FAM20C: variants seen among roughly 807,000 people sequenced by gnomAD.
The protein encoded by FAM20C is FAM20C golgi associated secretory pathway kinase, also known as extracellular serine/threonine protein kinase FAM20C.
Under a neutral mutation model 51.5 loss-of-function variants are expected in FAM20C, and 40 were observed. The observed-to-expected ratio is 0.78, with a 90% CI of 0.60 to 1.01. The LOEUF (loss-of-function observed/expected upper bound fraction) is 1.01. Among genes scored for constraint, FAM20C ranks in the 50% least tolerant of loss-of-function variants. The probability of loss-of-function intolerance (pLI) is 0.00; values close to 1 mark genes in which losing one functional copy is unlikely to be tolerated. For missense variants in FAM20C, 861 were observed against 844.7 expected (o/e 1.02, Z -0.24); for synonymous variants, 406 against 380.6 (o/e 1.07, Z -0.78).
intron 3 of FAM20C, among the ~76,000 whole-genome samples, chr7:233,965 A>G (rs1447977890): frequency 2.6e-5 from 4 of 152,160 alleles, no homozygotes; most frequent in African/African-American, 9.7e-5. Context: ...GGAGAGAAGG[A>G]TGCACGGTGT....
chr7:218,333 G>A (rs1317243290), intron 3 of FAM20C, among the ~76,000 whole-genome samples: 3 of 152,232 alleles, frequency 2.0e-5, no homozygotes, highest in African/African-American at 4.8e-5. Flanking sequence ...CGGTGCTCCC[G>A]TCCTGGAGGG....
Position 219,065 on chromosome 7 carries a change from C to T in FAM20C, c.863+10089C>T, listed in dbSNP as rs555554665. Among the ~76,000 whole-genome samples, 284 of 152,324 alleles carry T rather than the reference C, an allele frequency of 1.9e-3. 1 individual carries two copies. The highest frequency in any genetic ancestry group is 6.4e-3 in the African/African-American group (267 of 41,566). On this transcript the variant is annotated intron_variant, in intron 3 of 9. Coordinates refer to ENST00000313766, the MANE Select transcript of FAM20C (RefSeq NM_020223.4). Reference sequence around the variant, plus strand: ...GGGTTCCCCAGTGCTCCCCACCGCACAGAGGCTGGCCCCTCCTGGGGTCGT... The same window carrying T: ...GGGTTCCCCAGTGCTCCCCACCGCATAGAGGCTGGCCCCTCCTGGGGTCGT...
At chr7:195,470 A>G (rs1785813204) in intron 1 of FAM20C, 84 bp from the exon 2 acceptor site, 49 of 1,285,340 alleles carry the variant, frequency 3.8e-5, no homozygotes, top group Non-Finnish European at 4.7e-5. Context: ...AGTTAAAAAC[A>G]CTGGCGTCGG....
chr7:217,518 C>T (rs115557487), intron 3 of FAM20C, among the ~76,000 whole-genome samples: 1,350 of 55,948 alleles, frequency 0.024, 21 homozygotes, highest in African/African-American at 0.08. Flanking sequence ...AGATGGTGGC[C>T]TCGGGCTTGG....
Position 260,693 on chromosome 7 carries a change from T to C in FAM20C, c.*713T>C, listed in dbSNP as rs1468475815. Reference sequence around the variant, plus strand: ...GCTGTGGGCTGACCTTTGCAGAGTTTTGTGGAATAGTTTGCAATGTCATAA... The same window carrying C: ...GCTGTGGGCTGACCTTTGCAGAGTTCTGTGGAATAGTTTGCAATGTCATAA... On this transcript the variant is annotated 3_prime_UTR_variant, in exon 10 of 10. Coordinates refer to ENST00000313766, the MANE Select transcript of FAM20C (RefSeq NM_020223.4). 1 of 152,270 alleles carries C rather than the reference T, an allele frequency of 6.6e-6. No homozygotes were observed. Among genetic ancestry groups the C allele is most frequent in the African/African-American group, 2.4e-5 (1 of 41,460 alleles). The allele number at this position is 152,270 out of a possible 1,614,324, so 9.4% of individuals were successfully genotyped here.
At chr7:252,534 C>T (rs972734912) in intron 5 of FAM20C, among the ~76,000 whole-genome samples, 1 of 152,128 alleles carries the variant, frequency 6.6e-6, no homozygotes, top group Non-Finnish European at 1.5e-5. Flanking sequence ...GAGCCCAGAG[C>T]ACATTGGAGG....
chr7:214,780 G>A (rs560704939), intron 3 of FAM20C, among the ~76,000 whole-genome samples: 22 of 152,318 alleles, frequency 1.4e-4, no homozygotes, highest in Admixed American at 7.8e-4. Flanking sequence ...GTTTGAGTCC[G>A]GTGGACGCAC....
intron 2 of FAM20C, among the ~76,000 whole-genome samples, chr7:206,880 G>A (rs1262683204): frequency 1.9e-5 from 1 of 52,052 alleles, no homozygotes; most frequent in African/African-American, 1.1e-4. Context: ...CCTCGGCCCC[G>A]CACACGTGTC....
chr7:230,233 G>T (rs1787605519), intron 3 of FAM20C, among the ~76,000 whole-genome samples: 1 of 152,126 alleles, frequency 6.6e-6, no homozygotes, highest in African/African-American at 2.4e-5. Flanking sequence ...GGAAGGGGAT[G>T]CAGGGCTGCA....
intron 3 of FAM20C, among the ~76,000 whole-genome samples, chr7:231,233 G>A (rs1440187074): frequency 6.6e-6 from 1 of 152,158 alleles, no homozygotes; most frequent in African/African-American, 2.4e-5. Context: ...GGGGCAGCGA[G>A]GACCCCTGGA....
intron 2 of FAM20C, among the ~76,000 whole-genome samples, chr7:198,258 A>C (rs1201915212): frequency 6.6e-6 from 1 of 152,232 alleles, no homozygotes; most frequent in Non-Finnish European, 1.5e-5. Context: ...GCTCTGGCCC[A>C]GGAGATCTGG....
intron 8 of FAM20C, 156 bp downstream of exon 8, chr7:257,242 G>C (rs768711282): frequency 1.1e-5 from 8 of 754,224 alleles, no homozygotes; most frequent in Non-Finnish European, 1.7e-5. Context: ...TGCAGAGGGC[G>C]GCCCCAGGCC....
rs541598630 is a variant in FAM20C, at chr7:210,530, C to T, written c.863+1554C>T. ...GAGTGGAATAGTCGCTGAATGGCGG[C>T]GTCTTCATCTCCCTTGAGCTGGCTT... is the stretch of plus-strand genomic sequence containing the variant. On this transcript the variant is annotated intron_variant, in intron 3 of 9. Coordinates refer to ENST00000313766, the MANE Select transcript of FAM20C (RefSeq NM_020223.4). 1.2e-3 allele frequency among the ~76,000 whole-genome samples: 184 copies of T among 152,226 alleles called. 1 individual carries two copies. The highest frequency in any genetic ancestry group is 4.1e-3 in the African/African-American group (172 of 41,528).
chr7:232,629 T>C (rs1288925471), intron 3 of FAM20C, among the ~76,000 whole-genome samples: 1 of 152,226 alleles, frequency 6.6e-6, no homozygotes, highest in Non-Finnish European at 1.5e-5. Context: ...CGTTTTCTAT[T>C]TTCCCACAAA....
chr7:210,131 G>T lies in FAM20C; in HGVS notation c.863+1155G>T, dbSNP rs559234050. Among the ~76,000 whole-genome samples, 288 of 152,352 alleles carry T rather than the reference G, an allele frequency of 1.9e-3. 1 individual carries two copies. The highest frequency in any genetic ancestry group is 6.6e-3 in the African/African-American group (276 of 41,580). Reference sequence around the variant, plus strand: ...CCAAAATTACACGGAGGCCATCAGAGCTCAGGGCCTGGGGCTGAGGGCTGC... The same window carrying T: ...CCAAAATTACACGGAGGCCATCAGATCTCAGGGCCTGGGGCTGAGGGCTGC... On this transcript the variant is annotated intron_variant, in intron 3 of 9. Transcript: ENST00000313766.
intron 3 of FAM20C, among the ~76,000 whole-genome samples, chr7:210,026 G>C (rs536104757): frequency 5.1e-4 from 78 of 152,284 alleles, no homozygotes; most frequent in Middle Eastern, 3.4e-3. Flanking sequence ...GCCGGTGGAT[G>C]AGTCACAGCC....
intron 3 of FAM20C, among the ~76,000 whole-genome samples, chr7:233,941 A>C (rs919764870): frequency 2.0e-5 from 3 of 152,322 alleles, no homozygotes; most frequent in Non-Finnish European, 4.4e-5. Context: ...GGGTGTGGCC[A>C]GCTCTGGGGG....
At chr7:256,170 A>G in intron 6 of FAM20C, 141 bp downstream of exon 6, 1 of 1,076,154 alleles carries the variant, frequency 9.3e-7, no homozygotes, top group East Asian at 2.6e-5. Context: ...CCTGTGTGAG[A>G]TGACCGCTTC....
rs559698121 is a variant in FAM20C at position 256,923 on chromosome 7, G to A, written c.1364-82G>A. The A allele has an allele frequency of 2.3e-4, 331 of 1,467,938 alleles. No individual in the cohort carries two copies. The African/African-American group carries it at 3.9e-3, about 17-fold the overall frequency. 90.9% of individuals were successfully genotyped at this position (1,467,938 alleles called of 1,614,324 possible). A position where few individuals can be genotyped will look rare whatever the true frequency, so the allele number is the denominator to read the frequency against. On this transcript the variant is annotated intron_variant, in intron 7 of 9. Transcript: ENST00000313766. ...AGAGGTCACGCTGGCAGGAGGAGAC[G>A]CCGCTCTGCAGAGCACAGAGGCCTC...
Sources: allele counts gnomAD v4.1 joint callset (sites outside exome capture counted in the v4.1 genomes callset), GRCh38; gene constraint gnomAD v4.1.1; transcripts MANE v1.5; gene names NCBI Gene and HGNC (gene_info 2026-07-23, HGNC 2026-07-21).